Variants in AIG1 observed in about 807,000 individuals in gnomAD.
The protein encoded by AIG1 is androgen-induced gene 1 protein.
AIG1 carries 23 observed loss-of-function variants against 31.4 expected under a neutral mutation model. That is an observed-to-expected ratio of 0.73 (90% CI 0.53 to 1.04). The LOEUF (loss-of-function observed/expected upper bound fraction) is 1.04. Ranked by LOEUF, AIG1 falls within the 50% of genes least tolerant of loss-of-function variation. The pLI is 0.00. For missense variants in AIG1, 274 were observed against 295.0 expected (o/e 0.93, Z 0.52); for synonymous variants, 100 against 110.5 (o/e 0.90, Z 0.60).
chr6:143,282,498 A>G (rs980810449), intron 3 of AIG1, among the ~76,000 whole-genome samples: 5 of 152,220 alleles, frequency 3.3e-5, no homozygotes, highest in African/African-American at 9.6e-5. Context: ...TTTAAAATGC[A>G]TACTGTCTCT....
chr6:143,116,506 G>A (rs1220011197), intron 1 of AIG1, among the ~76,000 whole-genome samples: 1 of 151,914 alleles, frequency 6.6e-6, no homozygotes, highest in East Asian at 1.9e-4. Flanking sequence ...GGGTGACGAA[G>A]GATGTAAAAA....
rs1313113465 is a variant in AIG1 at position 143,280,129 on chromosome 6, G to C, written c.400-3981G>C. On this transcript the variant is annotated intron_variant, in intron 3 of 5. Transcript: ENST00000357847. This position sits in a 1 kb window ranked among gnomAD's most constrained non-coding sequence, Gnocchi z 4.1. ...ATACTGTAAGTTGTAAATGGTATTT[G>C]TGTTTGGGGAAACAGCAACAGATCA... Among the ~76,000 whole-genome samples the C allele has an allele frequency of 2.0e-5, 3 of 152,202 alleles. No individual in the cohort carries two copies. The highest frequency in any genetic ancestry group is 2.9e-5 in the Non-Finnish European group (2 of 68,038).
intron 4 of AIG1, among the ~76,000 whole-genome samples, chr6:143,320,404 T>A (rs1288970807): frequency 6.6e-6 from 1 of 152,146 alleles, no homozygotes; most frequent in East Asian, 1.9e-4. Context: ...GGCATCAGCA[T>A]TCCCATGTTT....
At chr6:143,203,027 T>A (rs984682397) in intron 3 of AIG1, among the ~76,000 whole-genome samples, 1 of 152,082 alleles carries the variant, frequency 6.6e-6, no homozygotes, top group Non-Finnish European at 1.5e-5. Flanking sequence ...GAAGTCTCCA[T>A]CAAAGATGAG....
At chr6:143,196,663 T>TGAA (rs1406194553) in intron 3 of AIG1, among the ~76,000 whole-genome samples, 1 of 152,138 alleles carries the variant, frequency 6.6e-6, no homozygotes, top group African/African-American at 2.4e-5. Context: ...CGTTGACTGT[T>TGAA]TCTCAAGATA....
Position 143,295,103 on chromosome 6 carries a change from A to G in AIG1, c.515+10878A>G, listed in dbSNP as rs547807974. ...CCTGCATCCCCTTGTCATCATCCCA[A>G]AACTAGTTGTTTATGCTGGAAATCT... On this transcript the variant is annotated intron_variant, in intron 4 of 5. Coordinates refer to ENST00000357847, the MANE Select transcript of AIG1 (RefSeq NM_016108.4). 3.0e-4 allele frequency among the ~76,000 whole-genome samples: 45 copies of G among 152,040 alleles called. No individual in the cohort carries two copies. In the South Asian group the frequency reaches 8.5e-3, roughly 29 times the overall value.
In AIG1 at chr6:143,136,888, T is replaced by C; in HGVS notation, c.195T>C (p.Leu65=). Residue 65 remains leucine, a synonymous_variant, in exon 2 of 6, where the codon CTT becomes CTC. Coordinates refer to ENST00000357847, the MANE Select transcript of AIG1 (RefSeq NM_016108.4). ...GICVLTDLSS[L]LTRGSGNQEQ... is the part of the protein sequence containing the mutation. ...GTGTGCTGACTGATCTTTCCAGTCT[T>C]CTGACTCGAGGAAGTGGGAACCAGG... is the stretch of plus-strand genomic sequence containing the variant. 1 of 1,535,460 alleles carries C rather than the reference T, an allele frequency of 6.5e-7. No homozygotes were observed. The highest frequency in any genetic ancestry group is 8.8e-7 in the Non-Finnish European group (1 of 1,130,434).
intron 2 of AIG1, among the ~76,000 whole-genome samples, chr6:143,162,016 C>T (rs1227111737): frequency 3.3e-5 from 5 of 152,048 alleles, no homozygotes; most frequent in Admixed American, 1.3e-4. Context: ...ATTTGCAGAT[C>T]GTGTAAGTAT....
intron 4 of AIG1, among the ~76,000 whole-genome samples, chr6:143,305,437 T>C (rs1444390057): frequency 6.6e-6 from 1 of 152,230 alleles, no homozygotes; most frequent in African/African-American, 2.4e-5. Context: ...TTTGTTCTCG[T>C]TGGTTTCCAA....
chr6:143,312,118 A>T (rs2128707791), intron 4 of AIG1, among the ~76,000 whole-genome samples: 1 of 152,266 alleles, frequency 6.6e-6, no homozygotes, highest in Non-Finnish European at 1.5e-5. Context: ...AAATATTATT[A>T]AAATGTTCAT....
intron 3 of AIG1, among the ~76,000 whole-genome samples, chr6:143,232,445 CA>C (rs780053699): frequency 6.6e-6 from 1 of 152,160 alleles, no homozygotes; most frequent in Non-Finnish European, 1.5e-5. Context: ...ACAGGCAGTA[CA>C]CCATCACCAA....
intron 1 of AIG1, among the ~76,000 whole-genome samples, chr6:143,080,399 C>T (rs1323747829): frequency 1.3e-5 from 2 of 152,042 alleles, no homozygotes; most frequent in Non-Finnish European, 2.9e-5. Context: ...ACAAACGTAA[C>T]AAGGAGGTTA....
intron 1 of AIG1, among the ~76,000 whole-genome samples, chr6:143,108,645 CAT>C (rs375055545): frequency 2.4e-4 from 37 of 152,230 alleles, no homozygotes; most frequent in African/African-American, 8.7e-4. Context: ...TCAACAGACA[CAT>C]ATATGTGGGA....
chr6:143,195,240 T>C (rs1790127875), intron 3 of AIG1, among the ~76,000 whole-genome samples: 1 of 152,088 alleles, frequency 6.6e-6, no homozygotes, highest in Non-Finnish European at 1.5e-5. Context: ...AATATTTACA[T>C]ATAGCTGGAA....
intron 1 of AIG1, among the ~76,000 whole-genome samples, chr6:143,115,816 A>G (rs975944701): frequency 1.3e-5 from 2 of 152,192 alleles, no homozygotes; most frequent in Admixed American, 1.3e-4. Flanking sequence ...GCATCTGTAG[A>G]TTCATAAAGT....
chr6:143,294,240 C>A (rs1019961663), intron 4 of AIG1, among the ~76,000 whole-genome samples: 17 of 152,304 alleles, frequency 1.1e-4, no homozygotes, highest in African/African-American at 3.8e-4. Context: ...ACACTGTAGT[C>A]CTAGTCTCCA....
chr6:143,171,489 ATATAT>A (rs1176858261), intron 3 of AIG1, among the ~76,000 whole-genome samples: 5 of 122,234 alleles, frequency 4.1e-5, no homozygotes, highest in Non-Finnish European at 8.0e-5. Context: ...TATATATTAA[ATATAT>A]AATATATATT....
intron 2 of AIG1, among the ~76,000 whole-genome samples, chr6:143,157,104 T>C (rs193187377): frequency 4.1e-3 from 628 of 152,276 alleles, no homozygotes; most frequent in Non-Finnish European, 6.5e-3. Context: ...AATACAAAGG[T>C]AAAAGAGGAA....
At chr6:143,189,268 C>T (rs1049093923) in intron 3 of AIG1, 1 of 491,496 alleles carries the variant, frequency 2.0e-6, no homozygotes, top group Non-Finnish European at 2.6e-6. Context: ...AAGCTAGAGA[C>T]AATGGCCTCA....
Sources: gnomAD v4.1 joint callset for allele counts (sites outside exome capture counted in the v4.1 genomes callset) on GRCh38, gnomAD v4.1.1 for gene constraint, Gnocchi (gnomAD v3.1) non-coding constraint, MANE v1.5 for transcripts, NCBI Gene and HGNC (gene_info 2026-07-23, HGNC 2026-07-21) for gene names.